TBCK: variants seen among roughly 807,000 people sequenced by gnomAD.
The protein encoded by TBCK is TBC1 domain containing kinase, also known as TBC domain-containing protein kinase-like protein.
In TBCK, 99 loss-of-function variants were observed where a neutral mutation model predicts 113.4. That is an observed-to-expected ratio of 0.87 (90% CI 0.74 to 1.03). The LOEUF (loss-of-function observed/expected upper bound fraction) is 1.03. TBCK is among the 50% of genes least tolerant of loss of function. The probability of loss-of-function intolerance (pLI) is 0.00; values close to 1 mark genes in which losing one functional copy is unlikely to be tolerated. For synonymous variants in TBCK, 369 were observed against 370.8 expected, an observed-to-expected ratio of 1.00 and a Z score of 0.05; for missense variants, 1,045 against 1,061.3, an observed-to-expected ratio of 0.98 and a Z score of 0.21.
intron 23 of TBCK, among the ~76,000 whole-genome samples, chr4:106,162,892 G>T (rs1749956734): frequency 6.6e-6 from 1 of 152,142 alleles, no homozygotes; most frequent in South Asian, 2.1e-4. Context: ...TTTCCCCATT[G>T]CTTTGGTGAT....
At chr4:106,195,673 A>G (rs560785965) in intron 20 of TBCK, among the ~76,000 whole-genome samples, 1 of 152,068 alleles carries the variant, frequency 6.6e-6, no homozygotes, top group South Asian at 2.1e-4. Context: ...TCACTGCTTG[A>G]GCCGGAACAT....
At chr4:106,236,114 T>A (rs562414147) in intron 14 of TBCK, among the ~76,000 whole-genome samples, 36 of 152,154 alleles carry the variant, frequency 2.4e-4, no homozygotes, top group African/African-American at 7.9e-4. Context: ...TCAATATTGA[T>A]GTTTTTCCTG....
intron 3 of TBCK, among the ~76,000 whole-genome samples, chr4:106,283,977 T>G (rs748225538): frequency 6.6e-6 from 1 of 152,168 alleles, no homozygotes; most frequent in South Asian, 2.1e-4. Context: ...ATTGCCAAGT[T>G]TGTATTAACA....
chr4:106,257,909 TCAC>T (rs1225282310), intron 5 of TBCK, among the ~76,000 whole-genome samples: 6 of 152,050 alleles, frequency 3.9e-5, no homozygotes, highest in African/African-American at 1.2e-4. Flanking sequence ...ACTTTTATCA[TCAC>T]CACAATACAT....
In TBCK at chr4:106,233,043, A is replaced by G. The variant is rs1361473639; in HGVS notation, c.1534T>C (p.Cys512Arg). ...GATAACAGTTCATCGTACTGATGACAGCGAGGAATATCCACTTCAATCTGT... is the reference window on the plus strand; with the variant it reads ...GATAACAGTTCATCGTACTGATGACGGCGAGGAATATCCACTTCAATCTGT... The part of the protein sequence containing the change: ...DRQIEVDIPR[C>R]HQYDELLSSP... The change falls in exon 17 of 26, where the codon TGT (cysteine) becomes CGT (arginine). Residue 512 changes from cysteine (C) to arginine (R), a missense_variant. Transcript: ENST00000394708. 1 of 1,611,546 alleles carries G rather than the reference A, an allele frequency of 6.2e-7. No individual in the cohort carries two copies.
chr4:106,146,301 T>C (rs938221563), intron 23 of TBCK, among the ~76,000 whole-genome samples: 1 of 152,146 alleles, frequency 6.6e-6, no homozygotes, highest in South Asian at 2.1e-4. Context: ...TATGGGAACA[T>C]GGATGGAGCT....
intron 23 of TBCK, among the ~76,000 whole-genome samples, chr4:106,158,432 A>C (rs1397107243): frequency 6.6e-6 from 1 of 152,146 alleles, no homozygotes; most frequent in African/African-American, 2.4e-5. Context: ...ATCATGGTGA[A>C]CATGAGTAAA....
chr4:106,067,279 C>T (rs770192468), intron 25 of TBCK, among the ~76,000 whole-genome samples: 8 of 152,046 alleles, frequency 5.3e-5, no homozygotes, highest in Non-Finnish European at 1.0e-4. Context: ...GTATATCTTC[C>T]TCAGAGAAAT....
At chr4:106,211,123 C>G (rs1756078482) in intron 20 of TBCK, among the ~76,000 whole-genome samples, 1 of 152,070 alleles carries the variant, frequency 6.6e-6, no homozygotes, top group African/African-American at 2.4e-5. Flanking sequence ...CTGTTCAGTG[C>G]TGAGCACAAT....
chr4:106,270,561 G>GT (rs768479488), intron 3 of TBCK, among the ~76,000 whole-genome samples: 1 of 151,984 alleles, frequency 6.6e-6, no homozygotes, highest in Non-Finnish European at 1.5e-5. Flanking sequence ...TTCCAAAGTT[G>GT]TTTTTTAAAT....
At chr4:106,120,599 C>T (rs972041506) in intron 23 of TBCK, among the ~76,000 whole-genome samples, 114 of 152,198 alleles carry the variant, frequency 7.5e-4, no homozygotes, top group Non-Finnish European at 1.3e-3. Context: ...GTGGTTCTCT[C>T]AGCACGCAGC....
chr4:106,087,811 T>C (rs1235424776), intron 25 of TBCK, among the ~76,000 whole-genome samples: 1 of 152,224 alleles, frequency 6.6e-6, no homozygotes, highest in Non-Finnish European at 1.5e-5. Context: ...TACAACCATC[T>C]GATCTTCAAC....
At chr4:106,286,609 T>C (rs1765133346) in intron 3 of TBCK, among the ~76,000 whole-genome samples, 2 of 152,076 alleles carry the variant, frequency 1.3e-5, no homozygotes, top group South Asian at 4.1e-4. Context: ...AGAAGATCAC[T>C]CGGGCCTAGG....
chr4:106,097,056 A>C (rs1401360006), intron 24 of TBCK, among the ~76,000 whole-genome samples: 1 of 152,196 alleles, frequency 6.6e-6, no homozygotes, highest in Admixed American at 6.5e-5. Flanking sequence ...CCTATTTATT[A>C]TGTGCCTTTA....
At position 106,262,128 on chromosome 4, in the gene TBCK, C is replaced by T. The variant is rs1188909320; in HGVS notation, c.351G>A (p.Leu117=). ...MNKHGIVHRA[L]SPHNILLDRK... is the part of the protein sequence containing the mutation. ...GGTCCAACAGGATATTATGAGGAGA[C>T]AATGCCCTGTGTACTATACCATGTT... Residue 117 remains leucine, a synonymous_variant, in exon 4 of 26, where the codon TTG becomes TTA. Transcript: ENST00000394708. 30 of 1,543,514 alleles carry T rather than the reference C, an allele frequency of 1.9e-5. No individual in the cohort carries two copies. In the African/African-American group the frequency reaches 3.2e-4, roughly 16 times the overall value.
At position 106,233,594 on chromosome 4, in the gene TBCK, A is replaced by G. The variant is rs138963505; in HGVS notation, c.1506T>C (p.Asp502=). ...AIDKDTPIPT[D]RQIEVDIPRC... ...AAGAAAACCTAAATCATACTTGTCT[A>G]TCTGTAGGAATTGGAGTGTCTTTAT... The change falls in exon 16 of 26, where the codon GAT becomes GAC. Residue 502 remains aspartate (D), a synonymous_variant. Transcript: ENST00000394708. 9.9e-6 allele frequency: 16 copies of G among 1,610,788 alleles called. No homozygotes were observed. The African/African-American group carries it at 1.1e-4, about 11-fold the overall frequency.
intron 20 of TBCK, among the ~76,000 whole-genome samples, chr4:106,201,011 A>G (rs1244892637): frequency 6.6e-6 from 1 of 152,026 alleles, no homozygotes; most frequent in Non-Finnish European, 1.5e-5. Flanking sequence ...ATTAAACTTG[A>G]GATTTTGTTA....
intron 17 of TBCK, among the ~76,000 whole-genome samples, chr4:106,232,572 T>C (rs770106744): frequency 8.2e-4 from 125 of 152,030 alleles, no homozygotes; most frequent in Non-Finnish European, 1.3e-3. Flanking sequence ...TTTTAAGTGC[T>C]AATAGCCATG....
chr4:106,082,721 G>A (rs963177500), intron 25 of TBCK, among the ~76,000 whole-genome samples: 1 of 152,200 alleles, frequency 6.6e-6, no homozygotes, highest in Non-Finnish European at 1.5e-5. Context: ...GCATAGGAAA[G>A]AAACCATAAT....
Sources: gnomAD v4.1 joint callset for allele counts (sites outside exome capture counted in the v4.1 genomes callset) on GRCh38, gnomAD v4.1.1 for gene constraint, MANE v1.5 for transcripts, NCBI Gene and HGNC (gene_info 2026-07-23, HGNC 2026-07-21) for gene names.